The following NTRK2 variants were observed in gnomAD, a reference collection of about 807,000 sequenced individuals.
NTRK2 encodes the protein BDNF/NT-3 growth factors receptor.
NTRK2 carries 13 observed loss-of-function variants against 94.5 expected under a neutral mutation model. The observed-to-expected ratio is 0.14, with a 90% CI of 0.09 to 0.22. NTRK2 has a LOEUF of 0.22. Ranked by LOEUF, NTRK2 falls within the 10% of genes least tolerant of loss-of-function variation. The pLI is 1.00. For missense variants in NTRK2, 639 were observed against 1,071.2 expected (o/e 0.60, Z 5.63); for synonymous variants, 372 against 407.4 (o/e 0.91, Z 1.05).
At chr9:84,682,471 AG>A (rs1400298508) in intron 2 of NTRK2, among the ~76,000 whole-genome samples, 1 of 152,116 alleles carries the variant, frequency 6.6e-6, no homozygotes, top group Admixed American at 6.5e-5. Flanking sequence ...GCAGCCTCTG[AG>A]GGGCTGTCAG....
intron 12 of NTRK2, among the ~76,000 whole-genome samples, chr9:84,860,470 C>G (rs2075281198): frequency 1.3e-5 from 2 of 152,140 alleles, no homozygotes; most frequent in South Asian, 4.1e-4. Context: ...TTCCCTCCCT[C>G]CTGAATCTCT....
At chr9:84,802,796 G>A (rs1302638816) in intron 12 of NTRK2, among the ~76,000 whole-genome samples, 1 of 152,204 alleles carries the variant, frequency 6.6e-6, no homozygotes, top group Non-Finnish European at 1.5e-5. Context: ...AGCTTAAGGA[G>A]TGTGCATAGT....
intron 14 of NTRK2, among the ~76,000 whole-genome samples, chr9:84,879,074 T>G (rs1392491112): frequency 6.6e-6 from 1 of 152,114 alleles, no homozygotes; most frequent in African/African-American, 2.4e-5. Flanking sequence ...TCTCACTACA[T>G]TTTTAAAATT....
intron 12 of NTRK2, among the ~76,000 whole-genome samples, chr9:84,856,048 G>A (rs1407904882): frequency 6.6e-6 from 1 of 152,146 alleles, no homozygotes; most frequent in Non-Finnish European, 1.5e-5. Flanking sequence ...AGGGAAATAC[G>A]AATTTCAGAG....
chr9:84,833,092 TTGG>T (rs925823939), intron 12 of NTRK2, among the ~76,000 whole-genome samples: 36 of 125,144 alleles, frequency 2.9e-4, no homozygotes, highest in Non-Finnish European at 3.6e-4. Flanking sequence ...TTGGGCCTCA[TTGG>T]TGGTGGTGGT....
intron 17 of NTRK2, among the ~76,000 whole-genome samples, chr9:84,962,675 G>A (rs937857740): frequency 6.6e-6 from 1 of 152,110 alleles, no homozygotes; most frequent in African/African-American, 2.4e-5. Flanking sequence ...GTCCTAAGAG[G>A]TCTCTCCTCC....
At chr9:84,919,129 C>T (rs191591641) in intron 14 of NTRK2, among the ~76,000 whole-genome samples, 11 of 152,266 alleles carry the variant, frequency 7.2e-5, no homozygotes, top group East Asian at 1.9e-4. Flanking sequence ...CACCCTGCCT[C>T]GGTGCCTTGC....
At chr9:85,015,774 G>A (rs1832152932) in intron 17 of NTRK2, among the ~76,000 whole-genome samples, 1 of 152,186 alleles carries the variant, frequency 6.6e-6, no homozygotes, top group Admixed American at 6.5e-5. Context: ...AGACCTTTGG[G>A]AAGTAGGGAG....
intron 14 of NTRK2, among the ~76,000 whole-genome samples, chr9:84,890,738 G>A (rs1407679498): frequency 6.6e-6 from 1 of 152,128 alleles, no homozygotes; most frequent in African/African-American, 2.4e-5. Context: ...CTTATCTGTG[G>A]TAATGGAACA....
intron 14 of NTRK2, among the ~76,000 whole-genome samples, chr9:84,914,073 T>A (rs2077323645): frequency 6.6e-6 from 1 of 152,120 alleles, no homozygotes; most frequent in Non-Finnish European, 1.5e-5. Flanking sequence ...CTTTATTCGG[T>A]AGTTGAACCA....
chr9:84,872,849 A>G (rs963643195), intron 14 of NTRK2: 1 of 1,065,066 alleles, frequency 9.4e-7, no homozygotes, highest in Non-Finnish European at 1.1e-6. Context: ...GGAGTATTTT[A>G]ACATTAGCTA....
At chr9:84,764,827 A>G (rs562603430) in intron 12 of NTRK2, among the ~76,000 whole-genome samples, 10 of 152,316 alleles carry the variant, frequency 6.6e-5, no homozygotes, top group African/African-American at 2.2e-4. Context: ...TCAGCAGATG[A>G]ATGGATAAAG....
At chr9:84,982,721 T>C (rs898766438) in intron 17 of NTRK2, among the ~76,000 whole-genome samples, 4 of 152,214 alleles carry the variant, frequency 2.6e-5, no homozygotes, top group African/African-American at 9.6e-5. Flanking sequence ...CTAACACTTA[T>C]CCAGTATGTG....
chr9:85,011,573 G>T (rs1218080801), intron 17 of NTRK2, among the ~76,000 whole-genome samples: 1 of 152,166 alleles, frequency 6.6e-6, no homozygotes, highest in Admixed American at 6.5e-5. Context: ...TTCCCTCCAT[G>T]TGAGGGCAAA....
intron 17 of NTRK2, among the ~76,000 whole-genome samples, chr9:84,965,446 T>G (rs1825441559): frequency 6.6e-6 from 1 of 152,126 alleles, no homozygotes. Context: ...AGAGATAAAC[T>G]GATTTGGGGG....
intron 12 of NTRK2, among the ~76,000 whole-genome samples, chr9:84,754,910 T>C (rs574154589): frequency 2.6e-5 from 4 of 152,286 alleles, no homozygotes; most frequent in African/African-American, 9.6e-5. Flanking sequence ...TTTCAATCTG[T>C]AATGGAAAAC....
chr9:84,759,265 T>G (rs989016998), intron 12 of NTRK2, among the ~76,000 whole-genome samples: 16 of 152,370 alleles, frequency 1.1e-4, no homozygotes, highest in African/African-American at 3.6e-4. Flanking sequence ...CTTACTTCTT[T>G]CCCTGCCAAC....
At chr9:84,979,590 G>T (rs1200013684) in intron 17 of NTRK2, among the ~76,000 whole-genome samples, 3 of 152,208 alleles carry the variant, frequency 2.0e-5, no homozygotes, top group Non-Finnish European at 4.4e-5. Context: ...TTTGGAATAT[G>T]ATATAAATTG....
chr9:84,752,931 GT>G (rs2064768971), intron 12 of NTRK2, among the ~76,000 whole-genome samples: 1 of 152,312 alleles, frequency 6.6e-6, no homozygotes, highest in African/African-American at 2.4e-5. Context: ...GTGCTGGAGA[GT>G]AGGTCAGGTG....
Sources: gnomAD v4.1 joint callset for allele counts (sites outside exome capture counted in the v4.1 genomes callset) on GRCh38, gnomAD v4.1.1 for gene constraint, MANE v1.5 for transcripts, NCBI Gene and HGNC (gene_info 2026-07-23, HGNC 2026-07-21) for gene names.